ZNRF2: variants seen among roughly 807,000 people sequenced by gnomAD.
ZNRF2 encodes zinc and ring finger 2.
ZNRF2 carries 16 observed loss-of-function variants against 20.4 expected under a neutral mutation model. That is an observed-to-expected ratio of 0.79 (90% CI 0.53 to 1.19). The LOEUF is 1.19. Ranked by LOEUF, ZNRF2 falls within the 50% of genes most tolerant of loss-of-function variation. The pLI is 0.00. For synonymous variants in ZNRF2, 178 were observed against 144.9 expected (o/e 1.23, Z -1.64); for missense variants, 363 against 332.4 (o/e 1.09, Z -0.72).
intron 1 of ZNRF2, among the ~76,000 whole-genome samples, chr7:30,289,320 C>T (rs1044885748): frequency 6.6e-6 from 1 of 152,148 alleles, no homozygotes; most frequent in African/African-American, 2.4e-5. Context: ...GAAGATTTCT[C>T]TTAATTTTTA....
chr7:30,356,156 A>G (rs1473678450), intron 3 of ZNRF2, among the ~76,000 whole-genome samples: 1 of 152,178 alleles, frequency 6.6e-6, no homozygotes, highest in African/African-American at 2.4e-5. Flanking sequence ...GAATTGCCCC[A>G]AGGTTACAAG....
At chr7:30,362,664 A>G (rs1800144760) in intron 4 of ZNRF2, among the ~76,000 whole-genome samples, 1 of 152,252 alleles carries the variant, frequency 6.6e-6, no homozygotes, top group Non-Finnish European at 1.5e-5. Flanking sequence ...CTGTAATCCC[A>G]GCACTTTGGG....
chr7:30,354,159 G>GA (rs950159362), intron 2 of ZNRF2, among the ~76,000 whole-genome samples: 67 of 149,850 alleles, frequency 4.5e-4, no homozygotes, highest in Non-Finnish European at 6.4e-4. Context: ...AGGGCCAAGA[G>GA]AAAAAAAAAT....
At chr7:30,302,269 A>G (rs1196136755) in intron 1 of ZNRF2, among the ~76,000 whole-genome samples, 1 of 152,150 alleles carries the variant, frequency 6.6e-6, no homozygotes, top group African/African-American at 2.4e-5. Flanking sequence ...GTTCTTTTGT[A>G]TTTTCGCTGG....
intron 2 of ZNRF2, among the ~76,000 whole-genome samples, chr7:30,325,782 G>A (rs1373941181): frequency 6.6e-6 from 1 of 152,132 alleles, no homozygotes; most frequent in African/African-American, 2.4e-5. Context: ...AAATGTATTT[G>A]TTGATTATAT....
chr7:30,306,126 G>A (rs1284311559), intron 1 of ZNRF2, among the ~76,000 whole-genome samples: 1 of 152,140 alleles, frequency 6.6e-6, no homozygotes, highest in East Asian at 1.9e-4. Flanking sequence ...GTAGCATTTA[G>A]CAAAGTGTTT....
intron 1 of ZNRF2, among the ~76,000 whole-genome samples, chr7:30,295,422 G>T (rs1001989258): frequency 6.6e-6 from 1 of 152,120 alleles, no homozygotes; most frequent in Non-Finnish European, 1.5e-5. Flanking sequence ...CTCATCTCTA[G>T]AATCAGGCCA....
intron 1 of ZNRF2, among the ~76,000 whole-genome samples, chr7:30,319,669 TAGAGAA>T (rs1334282085): frequency 6.6e-6 from 1 of 152,166 alleles, no homozygotes; most frequent in Non-Finnish European, 1.5e-5. Context: ...GTAGAGCACT[TAGAGAA>T]AGATTCCTGG....
At chr7:30,322,666 C>CA (rs5883237) in intron 1 of ZNRF2, among the ~76,000 whole-genome samples, 3,536 of 145,216 alleles carry the variant, frequency 0.024, 141 homozygotes, top group African/African-American at 0.081. Context: ...ATCATATTTC[C>CA]AAAAAAAAAA....
At chr7:30,286,116 G>C (rs1418137908) in intron 1 of ZNRF2, among the ~76,000 whole-genome samples, 2 of 152,238 alleles carry the variant, frequency 1.3e-5, no homozygotes, top group African/African-American at 4.8e-5. Context: ...TGGAGCAAAT[G>C]TTGTTTTACA....
rs1051864063 is a variant in ZNRF2 at position 30,355,810 on chromosome 7, T to C, written c.648T>C (p.Pro216=). 2 of 1,613,068 alleles carry C rather than the reference T, an allele frequency of 1.2e-6. No individual in the cohort carries two copies. Among genetic ancestry groups the C allele is most frequent in the African/African-American group, 1.3e-5 (1 of 74,902 alleles). ...LQQGDTIARL[P]CLCIYHKGCI... ...AGGGAGATACTATAGCACGACTGCCTTGTCTATGCATATATCATAAAGGGT... is the reference window on the plus strand; with the variant it reads ...AGGGAGATACTATAGCACGACTGCCCTGTCTATGCATATATCATAAAGGGT... Residue 216 remains proline (P), a synonymous_variant, in exon 3 of 5, where the codon CCT becomes CCC. Transcript: ENST00000323037.
intron 2 of ZNRF2, among the ~76,000 whole-genome samples, chr7:30,352,942 A>G (rs1026120548): frequency 6.6e-6 from 1 of 152,116 alleles, no homozygotes; most frequent in Non-Finnish European, 1.5e-5. Flanking sequence ...GTAGTTACCT[A>G]TGTGAAGGCA....
intron 1 of ZNRF2, among the ~76,000 whole-genome samples, chr7:30,310,973 T>G (rs978077723): frequency 4.6e-5 from 7 of 152,134 alleles, no homozygotes; most frequent in Admixed American, 4.6e-4. Flanking sequence ...AGGTTGTTAG[T>G]GGGAGGATGC....
At position 30,305,977 on chromosome 7, in the gene ZNRF2, A is replaced by G. The variant is rs552857246; in HGVS notation, c.470-17665A>G. 5.1e-4 allele frequency among the ~76,000 whole-genome samples: 78 copies of G among 152,220 alleles called. 1 individual carries two copies. Among genetic ancestry groups the G allele is most frequent in the Admixed American group, 3.3e-4 (5 of 15,282 alleles). ...CTGTTTGTATAGTGTAGTGGTTTTG[A>G]TTTTTGGATCTGTAGCTGGGCCTTT... On this transcript the variant is annotated intron_variant, in intron 1 of 4. Transcript: ENST00000323037.
intron 2 of ZNRF2, among the ~76,000 whole-genome samples, chr7:30,354,687 T>C (rs906489234): frequency 1.3e-5 from 2 of 152,214 alleles, no homozygotes; most frequent in Non-Finnish European, 2.9e-5. Context: ...CTTTACCGTT[T>C]AGCATATTTG....
intron 3 of ZNRF2, among the ~76,000 whole-genome samples, chr7:30,362,066 GAA>G (rs1173005186): frequency 6.6e-6 from 1 of 152,082 alleles, no homozygotes; most frequent in African/African-American, 2.4e-5. Context: ...GTTTTGAAAA[GAA>G]AAATTATGCA....
intron 2 of ZNRF2, among the ~76,000 whole-genome samples, chr7:30,328,173 G>C (rs142023716): frequency 6.6e-6 from 1 of 152,146 alleles, no homozygotes; most frequent in Non-Finnish European, 1.5e-5. Context: ...CAGGTGATGA[G>C]TCCAAATGGA....
intron 1 of ZNRF2, among the ~76,000 whole-genome samples, chr7:30,298,928 C>A (rs1015762097): frequency 6.6e-5 from 10 of 152,138 alleles, no homozygotes; most frequent in African/African-American, 1.9e-4. Flanking sequence ...AATTATTATT[C>A]TTTAATTTTC....
At chr7:30,310,313 C>T (rs939332279) in intron 1 of ZNRF2, among the ~76,000 whole-genome samples, 8 of 152,104 alleles carry the variant, frequency 5.3e-5, no homozygotes, top group South Asian at 2.1e-4. Context: ...TTTGTCATAA[C>T]GAAACTTTTT....
Sources: gnomAD v4.1 joint callset for allele counts (sites outside exome capture counted in the v4.1 genomes callset) on GRCh38, gnomAD v4.1.1 for gene constraint, MANE v1.5 for transcripts, NCBI Gene and HGNC (gene_info 2026-07-23, HGNC 2026-07-21) for gene names.